IGSF21: variants seen among roughly 807,000 people sequenced by gnomAD.
IGSF21 encodes the protein immunoglobin superfamily member 21, also known as immunoglobulin superfamily member 21.
IGSF21 carries 28 observed loss-of-function variants against 46.8 expected under a neutral mutation model. The ratio of observed to expected loss-of-function variants is 0.60; its 90% CI spans 0.44 to 0.82. The LOEUF is 0.82. Among genes scored for constraint, IGSF21 ranks in the 40% least tolerant of loss-of-function variants. The pLI, the probability that IGSF21 is intolerant of heterozygous loss-of-function variation, is 0.00. For synonymous variants in IGSF21, 284 were observed against 273.6 expected (o/e 1.04, Z -0.38); for missense variants, 624 against 665.5 (o/e 0.94, Z 0.69).
At chr1:18,174,276 T>C (rs1433429651) in intron 1 of IGSF21, among the ~76,000 whole-genome samples, 12 of 152,148 alleles carry the variant, frequency 7.9e-5, no homozygotes, top group Admixed American at 7.2e-4. Flanking sequence ...CCCCGAGGCG[T>C]TGCAGGAAGG....
intron 1 of IGSF21, among the ~76,000 whole-genome samples, chr1:18,179,850 G>A (rs1002997858): frequency 2.0e-5 from 3 of 152,302 alleles, no homozygotes; most frequent in Non-Finnish European, 4.4e-5. Context: ...ATAATAATGA[G>A]TATGAATGAA....
intron 3 of IGSF21, among the ~76,000 whole-genome samples, chr1:18,328,059 CCTCT>C (rs2085675251): frequency 6.6e-6 from 1 of 152,116 alleles, no homozygotes; most frequent in African/African-American, 2.4e-5. Context: ...CAGCCTCCTC[CCTCT>C]AAGAAGTAGA....
chr1:18,368,052 A>T (rs1327129277), intron 6 of IGSF21, among the ~76,000 whole-genome samples: 1 of 152,070 alleles, frequency 6.6e-6, no homozygotes, highest in Non-Finnish European at 1.5e-5. Context: ...GTCACAGAGG[A>T]GGAAGCTGAG....
At chr1:18,308,552 C>T (rs2085450645) in intron 3 of IGSF21, among the ~76,000 whole-genome samples, 1 of 152,172 alleles carries the variant, frequency 6.6e-6, no homozygotes, top group Admixed American at 6.5e-5. Flanking sequence ...GCAGCTCATG[C>T]CCCATGTCCC....
At chr1:18,161,711 A>C (rs772052418) in intron 1 of IGSF21, among the ~76,000 whole-genome samples, 1 of 152,190 alleles carries the variant, frequency 6.6e-6, no homozygotes, top group South Asian at 2.1e-4. Flanking sequence ...GATGCCAGAC[A>C]GATGTGCTCC....
rs80066285 is a variant in IGSF21, at chr1:18,204,785, G to A, written c.71-23113G>A. The stretch of plus-strand genomic sequence containing the variant: ...ATGGATCACATTCAATTCATGACCT[G>A]GTTTTAGCCCAGAGGCAGGGGGATG... On this transcript the variant is annotated intron_variant, in intron 1 of 9. Coordinates refer to ENST00000251296, the MANE Select transcript of IGSF21 (RefSeq NM_032880.5). Among the ~76,000 whole-genome samples, 475 of 152,266 alleles carry A rather than the reference G, an allele frequency of 3.1e-3. 2 individuals are homozygous for A. Among genetic ancestry groups the A allele is most frequent in the African/African-American group, 0.01 (431 of 41,542 alleles).
At chr1:18,144,452 G>C (rs2086447963) in intron 1 of IGSF21, among the ~76,000 whole-genome samples, 1 of 152,190 alleles carries the variant, frequency 6.6e-6, no homozygotes, top group African/African-American at 2.4e-5. Flanking sequence ...CAGCTGTTGG[G>C]CTCTGCCCCT....
chr1:18,225,496 C>A (rs1169272506), intron 1 of IGSF21, among the ~76,000 whole-genome samples: 1 of 152,168 alleles, frequency 6.6e-6, no homozygotes, highest in African/African-American at 2.4e-5. Flanking sequence ...CAGGCACACA[C>A]CATCTGCACC....
At chr1:18,119,646 C>A (rs2086217412) in intron 1 of IGSF21, among the ~76,000 whole-genome samples, 3 of 152,314 alleles carry the variant, frequency 2.0e-5, no homozygotes, top group Non-Finnish European at 1.5e-5. Flanking sequence ...CAGGCTGATG[C>A]CCTCAAGCTT....
intron 1 of IGSF21, among the ~76,000 whole-genome samples, chr1:18,221,916 GCATC>G: frequency 6.6e-6 from 1 of 152,282 alleles, no homozygotes; most frequent in Non-Finnish European, 1.5e-5. Flanking sequence ...GGCTCAGTTA[GCATC>G]TGATACGGGG....
At chr1:18,146,626 A>C (rs2086469356) in intron 1 of IGSF21, among the ~76,000 whole-genome samples, 1 of 152,142 alleles carries the variant, frequency 6.6e-6, no homozygotes, top group South Asian at 2.1e-4. Flanking sequence ...TAGGAGAGGA[A>C]CTGAGCGTTC....
At chr1:18,251,660 T>C (rs1053981004) in intron 2 of IGSF21, among the ~76,000 whole-genome samples, 7 of 152,200 alleles carry the variant, frequency 4.6e-5, no homozygotes, top group African/African-American at 1.7e-4. Flanking sequence ...GTAGTTTTAC[T>C]GGATGCCCAG....
intron 1 of IGSF21, 137 bp from the exon 2 acceptor site, chr1:18,227,761 C>CAGCGT (rs2084583018): frequency 1.5e-6 from 1 of 661,508 alleles, no homozygotes; most frequent in Non-Finnish European, 2.8e-6. Flanking sequence ...ACAGTGTGAA[C>CAGCGT]AGCGTCCCTC....
chr1:18,211,198 T>C (rs1460680272), intron 1 of IGSF21, among the ~76,000 whole-genome samples: 3 of 152,186 alleles, frequency 2.0e-5, no homozygotes, highest in African/African-American at 7.2e-5. Flanking sequence ...TAACGGCTGC[T>C]AGAGTGGAGA....
chr1:18,166,109 A>T (rs530058446), intron 1 of IGSF21, among the ~76,000 whole-genome samples: 2 of 152,248 alleles, frequency 1.3e-5, no homozygotes, highest in Non-Finnish European at 2.9e-5. Context: ...AAGAAATTAA[A>T]TTTATGTTCA....
At chr1:18,284,225 G>A (rs982018909) in intron 2 of IGSF21, among the ~76,000 whole-genome samples, 1 of 152,194 alleles carries the variant, frequency 6.6e-6, no homozygotes, top group Admixed American at 6.5e-5. Context: ...GCCTTGCAGG[G>A]CGCTTTCTAG....
At chr1:18,149,103 C>T (rs752757222) in intron 1 of IGSF21, among the ~76,000 whole-genome samples, 8 of 152,188 alleles carry the variant, frequency 5.3e-5, no homozygotes, top group East Asian at 3.9e-4. Flanking sequence ...AGTACTCCTG[C>T]GGCCCACCTT....
chr1:18,236,088 A>G (rs980312357), intron 2 of IGSF21, among the ~76,000 whole-genome samples: 6 of 146,432 alleles, frequency 4.1e-5, no homozygotes, highest in Non-Finnish European at 6.0e-5. Flanking sequence ...ACAGGACAGG[A>G]GAAGCAGGTT....
At chr1:18,267,639 G>A (rs758627325) in intron 2 of IGSF21, among the ~76,000 whole-genome samples, 2 of 152,226 alleles carry the variant, frequency 1.3e-5, no homozygotes, top group African/African-American at 2.4e-5. Context: ...GTAGCTCTGC[G>A]GCTGGACCTG....
Sources: gnomAD v4.1 joint callset for allele counts (sites outside exome capture counted in the v4.1 genomes callset) on GRCh38, gnomAD v4.1.1 for gene constraint, MANE v1.5 for transcripts, NCBI Gene and HGNC (gene_info 2026-07-23, HGNC 2026-07-21) for gene names.